The following YTHDF3 variants were observed in gnomAD, a reference collection of about 807,000 sequenced individuals.
The protein encoded by YTHDF3 is YTH domain-containing family protein 3.
In YTHDF3, 9 loss-of-function variants were observed where a neutral mutation model predicts 52.5. The observed-to-expected ratio is 0.17, with a 90% confidence interval of 0.10 to 0.30. YTHDF3 has a LOEUF of 0.30. YTHDF3 is among the 10% of genes least tolerant of loss of function. The pLI is 1.00. For missense variants in YTHDF3, 534 were observed against 715.0 expected (o/e 0.75, Z 2.89); for synonymous variants, 274 against 243.3 (o/e 1.13, Z -1.18).
intron 4 of YTHDF3, among the ~76,000 whole-genome samples, chr8:63,204,109 GTTGT>G (rs747772736): frequency 5.1e-4 from 77 of 152,176 alleles, no homozygotes; most frequent in Middle Eastern, 3.4e-3. Context: ...GACATTTTTT[GTTGT>G]TTGTCACCCT....
chr8:63,187,271 A>C lies in YTHDF3; in HGVS notation c.1260A>C (p.Ile420=), dbSNP rs962528652. 1 of 1,614,066 alleles carries C rather than the reference A, an allele frequency of 6.2e-7. No individual in the cohort carries two copies. Among genetic ancestry groups the C allele is most frequent in the Admixed American group, 1.7e-5 (1 of 60,028 alleles). ...DWNLKNGRVF[I]IKSYSEDDIH... ...ATCTGAAGAATGGACGTGTGTTTAT[A>C]ATTAAAAGCTACTCTGAGGATGACA... The change falls in exon 4 of 5, where the codon ATA becomes ATC. Residue 420 remains isoleucine (I), a synonymous_variant. Transcript: ENST00000539294.
At chr8:63,186,126 T>C in intron 3 of YTHDF3, 21 bp from the exon 4 acceptor site, 1 of 1,583,536 alleles carries the variant, frequency 6.3e-7, no homozygotes, top group South Asian at 1.1e-5. Context: ...TCGCTACTGA[T>C]TGTGATATTT....
chr8:63,212,108 T>G lies in YTHDF3; in HGVS notation c.*2402T>G, dbSNP rs1810399825. 1 of 152,640 alleles carries G rather than the reference T, an allele frequency of 6.6e-6. No individual in the cohort carries two copies. Among genetic ancestry groups the G allele is most frequent in the African/African-American group, 2.4e-5 (1 of 41,456 alleles). The allele number at this position is 152,640 out of a possible 1,614,324, so 9.5% of individuals were successfully genotyped here. ...ATCAAATGTTTGAATGATCACAAAT[T>G]AAGACATTATCAGCCCAGTAAATTT... On this transcript the variant is annotated 3_prime_UTR_variant, in exon 5 of 5. Coordinates refer to ENST00000539294, the MANE Select transcript of YTHDF3 (RefSeq NM_152758.6).
chr8:63,183,119 G>A (rs1345942937), intron 3 of YTHDF3, among the ~76,000 whole-genome samples: 1 of 151,830 alleles, frequency 6.6e-6, no homozygotes, highest in African/African-American at 2.4e-5. Context: ...TGCTCCCATG[G>A]CCAGCTAATT....
chr8:63,183,930 C>T (rs1244905707), intron 3 of YTHDF3, among the ~76,000 whole-genome samples: 1 of 152,138 alleles, frequency 6.6e-6, no homozygotes, highest in Non-Finnish European at 1.5e-5. Context: ...GTAACCTATG[C>T]ACATCCTCCT....
chr8:63,169,154 G>T (rs1807101187), intron 1 of YTHDF3: 4 of 1,416,092 alleles, frequency 2.8e-6, no homozygotes, highest in Non-Finnish European at 3.7e-6. Flanking sequence ...TCCTGAGGGC[G>T]GCAGACATGG....
chr8:63,179,231 T>C (rs1163531217), intron 3 of YTHDF3, among the ~76,000 whole-genome samples: 3 of 152,164 alleles, frequency 2.0e-5, no homozygotes, highest in Non-Finnish European at 4.4e-5. Context: ...TTCTTTTTTT[T>C]TTTTTTATTG....
intron 4 of YTHDF3, among the ~76,000 whole-genome samples, chr8:63,199,542 T>C (rs1490883903): frequency 6.6e-6 from 1 of 152,214 alleles, no homozygotes; most frequent in East Asian, 1.9e-4. Flanking sequence ...TAATTAACCT[T>C]AGGTGGATAT....
At chr8:63,185,365 A>AT (rs1172880426) in intron 3 of YTHDF3, among the ~76,000 whole-genome samples, 1 of 152,008 alleles carries the variant, frequency 6.6e-6, no homozygotes, top group Non-Finnish European at 1.5e-5. Flanking sequence ...AATTGCAGTA[A>AT]TTCTGGAAAA....
At chr8:63,207,278 A>G (rs935858370) in intron 4 of YTHDF3, among the ~76,000 whole-genome samples, 4 of 151,990 alleles carry the variant, frequency 2.6e-5, no homozygotes, top group African/African-American at 9.7e-5. Context: ...GTGTTATTGT[A>G]TGTCTCTATT....
Position 63,168,696 on chromosome 8 carries a change from A to G in YTHDF3, c.-182A>G. On this transcript the variant is annotated 5_prime_UTR_variant, in exon 1 of 5. Coordinates refer to ENST00000539294, the MANE Select transcript of YTHDF3 (RefSeq NM_152758.6). Reference sequence around the variant, plus strand: ...AGGGGGAAGAGGAGCGTGCAAGCGGAAAAGACGGGCCTCTTCCTCCGACTC... The same window carrying G: ...AGGGGGAAGAGGAGCGTGCAAGCGGGAAAGACGGGCCTCTTCCTCCGACTC... 1 of 1,184,706 alleles carries G rather than the reference A, an allele frequency of 8.4e-7. No homozygotes were observed. Among genetic ancestry groups the G allele is most frequent in the Non-Finnish European group, 1.2e-6 (1 of 838,014 alleles). The allele number at this position is 1,184,706 out of a possible 1,614,324, so 73.4% of individuals were successfully genotyped here.
chr8:63,187,391 A>G lies in YTHDF3; in HGVS notation c.1380A>G (p.Pro460=), dbSNP rs374707032. The change falls in exon 4 of 5, where the codon CCA becomes CCG. Residue 460 remains proline (P), a synonymous_variant. Coordinates refer to ENST00000539294, the MANE Select transcript of YTHDF3 (RefSeq NM_152758.6). ...ACCGTTCCCTGAATGGGAAAGGCCC[A>G]CTCTATTTACTCTTCAGTGTGAATG... ...AAYRSLNGKG[P]LYLLFSVNGS... The G allele has an allele frequency of 7.4e-6, 12 of 1,613,808 alleles. No homozygotes were observed. Among genetic ancestry groups the G allele is most frequent in the Middle Eastern group, 3.3e-4 (2 of 6,062 alleles).
At chr8:63,191,809 C>T (rs565225401) in intron 4 of YTHDF3, among the ~76,000 whole-genome samples, 43 of 152,190 alleles carry the variant, frequency 2.8e-4, no homozygotes, top group Admixed American at 7.8e-4. Flanking sequence ...TGCAATTCAT[C>T]TATGTCGTTG....
Position 63,187,518 on chromosome 8 carries a change from G to A in YTHDF3, c.1507G>A (p.Val503Ile). Residue 503 changes from valine to isoleucine, a missense_variant, in exon 4 of 5, where the codon GTT becomes ATT. Val to Ile is a conservative substitution (Grantham distance 29). Transcript: ENST00000539294. ...SQDKWKGKFE[V>I]KWIFVKDVPN... Reference sequence around the variant, plus strand: ...GGATAAGTGGAAGGGCAAATTTGAAGTTAAATGGATCTTTGTCAAAGATGT... The same window carrying A: ...GGATAAGTGGAAGGGCAAATTTGAAATTAAATGGATCTTTGTCAAAGATGT... 6.2e-7 allele frequency: 1 copy of A among 1,613,998 alleles called. No homozygotes were observed. Among genetic ancestry groups the A allele is most frequent in the Non-Finnish European group, 8.5e-7 (1 of 1,179,882 alleles).
intron 2 of YTHDF3, 72 bp downstream of exon 2, chr8:63,169,483 TTTTG>T (rs1401986690): frequency 5.9e-5 from 86 of 1,469,906 alleles, no homozygotes; most frequent in Non-Finnish European, 6.8e-5. Flanking sequence ...TGTGAGGGTA[TTTTG>T]TTTGTTTTTG....
chr8:63,197,548 A>G (rs190702129), intron 4 of YTHDF3, among the ~76,000 whole-genome samples: 1 of 152,294 alleles, frequency 6.6e-6, no homozygotes, highest in East Asian at 1.9e-4. Context: ...CCTTAAGCAT[A>G]TTGTTTCAAA....
rs1356307228 is a variant in YTHDF3 at position 63,169,425 on chromosome 8, T to G, written c.49+14T>G. On this transcript the variant is annotated intron_variant, in intron 2 of 4. Transcript: ENST00000539294. ...AAGGAAATAAAGGTGAGTTTGGATT[T>G]TTTTTTTTCTTATTGCTCAATGTTG... 2.5e-6 allele frequency: 4 copies of G among 1,584,788 alleles called. No individual in the cohort carries two copies. The highest frequency in any genetic ancestry group is 1.7e-4 in the Middle Eastern group (1 of 6,024).
chr8:63,177,045 A>G (rs1172781492), intron 3 of YTHDF3, among the ~76,000 whole-genome samples: 2 of 152,216 alleles, frequency 1.3e-5, no homozygotes, highest in African/African-American at 4.8e-5. Context: ...TTTGAAGAGT[A>G]AATTGGAAAA....
chr8:63,180,682 C>T (rs1808065840), intron 3 of YTHDF3, among the ~76,000 whole-genome samples: 1 of 152,236 alleles, frequency 6.6e-6, no homozygotes, highest in East Asian at 1.9e-4. Context: ...AGCCTGGGCA[C>T]CATTGAGCAC....
Sources: gnomAD v4.1 joint callset for allele counts (sites outside exome capture counted in the v4.1 genomes callset) on GRCh38, gnomAD v4.1.1 for gene constraint, MANE v1.5 for transcripts, NCBI Gene and HGNC (gene_info 2026-07-23, HGNC 2026-07-21) for gene names.